Variants in PRRC2B observed in about 807,000 individuals in gnomAD.
PRRC2B encodes the protein protein PRRC2B.
PRRC2B carries 68 observed loss-of-function variants against 242.3 expected under a neutral mutation model. The observed-to-expected ratio is 0.28, with a 90% CI of 0.23 to 0.34. The LOEUF (loss-of-function observed/expected upper bound fraction) is 0.34, where lower values mean the gene tolerates loss of function less well. PRRC2B is among the 10% of genes least tolerant of loss of function. The pLI, the probability that PRRC2B is intolerant of heterozygous loss-of-function variation, is 1.00. For missense variants in PRRC2B, 2,835 were observed against 2,954.8 expected, an observed-to-expected ratio of 0.96 and a Z score of 0.94; for synonymous variants, 1,228 against 1,173.6, an observed-to-expected ratio of 1.05 and a Z score of -0.95.
At chr9:131,396,325 C>A (rs970562796) in intron 1 of PRRC2B, among the ~76,000 whole-genome samples, 4 of 132,954 alleles carry the variant, frequency 3.0e-5, no homozygotes, top group African/African-American at 1.2e-4. Flanking sequence ...CTTTTCTTTT[C>A]TTTTTTTTTT....
rs988599994 is a variant in PRRC2B at position 131,394,091 on chromosome 9, A to T, written c.-224A>T. The T allele has an allele frequency of 1.3e-5, 2 of 148,892 alleles. No homozygotes were observed. Among genetic ancestry groups the T allele is most frequent in the Non-Finnish European group, 3.0e-5 (2 of 66,454 alleles). 9.2% of individuals were successfully genotyped at this position (148,892 alleles called of 1,614,324 possible). ...AGCGCGAGGGAGCGAGCGGCGAGAC[A>T]GGCGCCGAGGCTCCACCGCGCAGCG... On this transcript the variant is annotated 5_prime_UTR_variant, in exon 1 of 32. Transcript: ENST00000683519.
At chr9:131,432,551 G>A (rs1838212510) in intron 2 of PRRC2B, 66 bp from the exon 3 acceptor site, 1 of 1,414,594 alleles carries the variant, frequency 7.1e-7, no homozygotes, top group African/African-American at 1.4e-5. Flanking sequence ...ACAGCTGAAT[G>A]CATCAGGCTT....
At chr9:131,399,083 C>G (rs1241782813) in intron 1 of PRRC2B, among the ~76,000 whole-genome samples, 2 of 151,366 alleles carry the variant, frequency 1.3e-5, no homozygotes, top group East Asian at 3.9e-4. Context: ...CAAGACCAGC[C>G]TGGCCAACAT....
chr9:131,442,120 CT>C (rs576145724), intron 5 of PRRC2B, among the ~76,000 whole-genome samples: 3 of 150,828 alleles, frequency 2.0e-5, no homozygotes, highest in Admixed American at 1.3e-4. Flanking sequence ...TCAAATCTAC[CT>C]TTTTTTTTGT....
chr9:131,469,024 G>T (rs1046943935), intron 13 of PRRC2B, among the ~76,000 whole-genome samples: 5 of 152,210 alleles, frequency 3.3e-5, no homozygotes, highest in Non-Finnish European at 5.9e-5. Context: ...CGGAGGAAGT[G>T]ATGGGTAAGT....
chr9:131,473,400 A>C, intron 14 of PRRC2B, 108 bp from the exon 15 acceptor site: 1 of 774,116 alleles, frequency 1.3e-6, no homozygotes, highest in Non-Finnish European at 2.1e-6. Flanking sequence ...TGCTGTATCC[A>C]CATGAAAGTC....
intron 30 of PRRC2B, among the ~76,000 whole-genome samples, chr9:131,492,881 C>G (rs1944235434): frequency 6.6e-6 from 1 of 152,228 alleles, no homozygotes; most frequent in African/African-American, 2.4e-5. Context: ...TGTGTGAAGG[C>G]AGCACGCTCT....
At chr9:131,432,134 A>G (rs1838197293) in intron 2 of PRRC2B, among the ~76,000 whole-genome samples, 1 of 152,142 alleles carries the variant, frequency 6.6e-6, no homozygotes. Context: ...TTGATATTCT[A>G]GAACTTGTTG....
intron 19 of PRRC2B, among the ~76,000 whole-genome samples, chr9:131,481,145 C>G (rs989547651): frequency 6.6e-6 from 1 of 151,484 alleles, no homozygotes; most frequent in African/African-American, 2.4e-5. Flanking sequence ...CCTAAAAATA[C>G]AACAACAACA....
At position 131,447,155 on chromosome 9, in the gene PRRC2B, G is replaced by T. The variant is rs749535483; in HGVS notation, c.926G>T (p.Arg309Leu). 5 of 1,613,856 alleles carry T rather than the reference G, an allele frequency of 3.1e-6. No individual in the cohort carries two copies. The highest frequency in any genetic ancestry group is 4.2e-6 in the Non-Finnish European group (5 of 1,179,890). ...GGCTCTTTTCCCCTTCCTCAGCTCC[G>T]CCTTGAACCTCGAGTTCCTTTTAGA... ...ERGSFPLPQLRLEPRVPFRQF... is the reference protein window; with the variant it reads ...ERGSFPLPQLLLEPRVPFRQF... Residue 309 changes from arginine to leucine, a missense_variant, in exon 8 of 32, where the codon CGC (arginine) becomes CTC (leucine). Physicochemically the swap from Arg to Leu is moderately radical, Grantham distance 102 (BLOSUM62 -2). Transcript: ENST00000683519.
rs1485984145 is a variant in PRRC2B, at chr9:131,477,962, C to G, written c.4612+13C>G. ...CTGAACTATGGAAGTAAGTCATCCTCATATCTTCAGGGGAAAGAACTCAGG... is the reference window on the plus strand; with the variant it reads ...CTGAACTATGGAAGTAAGTCATCCTGATATCTTCAGGGGAAAGAACTCAGG... On this transcript the variant is annotated intron_variant, in intron 17 of 31. Coordinates refer to ENST00000683519, the MANE Select transcript of PRRC2B (RefSeq NM_013318.4). The G allele has an allele frequency of 6.2e-7, 1 of 1,611,040 alleles. No individual in the cohort carries two copies. Among genetic ancestry groups the G allele is most frequent in the South Asian group, 1.1e-5 (1 of 90,978 alleles).
rs1165515722 is a variant in PRRC2B at position 131,399,962 on chromosome 9, C to T, written c.-52+5699C>T. On this transcript the variant is annotated intron_variant, in intron 1 of 31. Transcript: ENST00000683519. ...TTGGTCCACGTGGCTGATTATCTCC[C>T]ATAAGTGGAATTTCTGGGGTCAGAG... 4.6e-5 allele frequency among the ~76,000 whole-genome samples: 7 copies of T among 152,300 alleles called. No individual in the cohort carries two copies. In the East Asian group the frequency reaches 1.4e-3, roughly 29 times the overall value.
In PRRC2B at chr9:131,482,314, T is replaced by C. The variant is rs560719147; in HGVS notation, c.4984-57T>C. 6.6e-7 allele frequency: 1 copy of C among 1,506,946 alleles called. No homozygotes were observed. The highest frequency in any genetic ancestry group is 1.4e-5 in the African/African-American group (1 of 71,808). The allele number at this position is 1,506,946 out of a possible 1,614,324, so 93.3% of individuals were successfully genotyped here. A position where few individuals can be genotyped will look rare whatever the true frequency, so the allele number is the denominator to read the frequency against. On this transcript the variant is annotated intron_variant, in intron 20 of 31. Transcript: ENST00000683519. The surrounding 1 kb of genome is among the most constrained non-coding windows in gnomAD (Gnocchi z 5.2). The stretch of plus-strand genomic sequence containing the variant: ...GTCTCTGTGCCACATGCAGTTTTAC[T>C]CTCTGGATAATCGAGTTGGGAGTTT...
chr9:131,483,578 T>C (rs1943933680), intron 23 of PRRC2B, 133 bp downstream of exon 23: 2 of 765,506 alleles, frequency 2.6e-6, no homozygotes, highest in Non-Finnish European at 4.5e-6. Context: ...TCCATGTCCT[T>C]AAAAGGTGCT....
chr9:131,467,085 G>C (rs1230566124), intron 12 of PRRC2B, among the ~76,000 whole-genome samples: 8 of 145,466 alleles, frequency 5.5e-5, no homozygotes, highest in African/African-American at 7.3e-5. Flanking sequence ...ACAGGTGTGA[G>C]CCACCGCGCC....
chr9:131,386,453 GC>G (rs1300444533), intron 1 of PRRC2B, among the ~76,000 whole-genome samples: 2 of 150,152 alleles, frequency 1.3e-5, no homozygotes, highest in African/African-American at 4.9e-5. Context: ...GGATGCAGCA[GC>G]TCCCACTGTC....
intron 1 of PRRC2B, among the ~76,000 whole-genome samples, chr9:131,396,280 C>T (rs1326394779): frequency 6.6e-6 from 1 of 151,032 alleles, no homozygotes; most frequent in Non-Finnish European, 1.5e-5. Context: ...CCCTCCCTTT[C>T]CCTTCCTTTT....
chr9:131,492,800 C>G (rs968569244), intron 30 of PRRC2B, among the ~76,000 whole-genome samples: 1 of 152,204 alleles, frequency 6.6e-6, no homozygotes. Context: ...GTCCCCTTAG[C>G]TGGATACTCA....
At chr9:131,453,859 A>G (rs1942995568) in intron 9 of PRRC2B, among the ~76,000 whole-genome samples, 1 of 152,218 alleles carries the variant, frequency 6.6e-6, no homozygotes, top group Non-Finnish European at 1.5e-5. Context: ...TAATTTTAAT[A>G]TAATTATATG....
Sources: allele counts gnomAD v4.1 joint callset (sites outside exome capture counted in the v4.1 genomes callset), GRCh38; gene constraint gnomAD v4.1.1; non-coding constraint Gnocchi (gnomAD v3.1); transcripts MANE v1.5; gene names NCBI Gene and HGNC (gene_info 2026-07-23, HGNC 2026-07-21).